TRAM1: variants seen among roughly 807,000 people sequenced by gnomAD.
TRAM1 encodes translocation associated membrane protein 1, also known as translocating chain-associated membrane protein 1.
In TRAM1, 17 loss-of-function variants were observed where a neutral mutation model predicts 48.7. The observed-to-expected ratio is 0.35, with a 90% CI of 0.24 to 0.52. TRAM1 has a LOEUF of 0.52. Among genes scored for constraint, TRAM1 ranks in the 20% least tolerant of loss-of-function variants. The pLI, the probability that TRAM1 is intolerant of heterozygous loss-of-function variation, is 0.94. For missense variants in TRAM1, 351 were observed against 441.5 expected (o/e 0.79, Z 1.84); for synonymous variants, 182 against 154.0 (o/e 1.18, Z -1.34).
In TRAM1 at chr8:70,586,833, C is replaced by T. The variant is rs1240341247; in HGVS notation, c.746+62G>A. On this transcript the variant is annotated intron_variant, in intron 8 of 10. Transcript: ENST00000262213. Reference sequence around the variant, plus strand: ...TAATGGCCTAAAGCATGGATCTTGGCAATGTTAGGCACTGACTTTAAATAC... The same window carrying T: ...TAATGGCCTAAAGCATGGATCTTGGTAATGTTAGGCACTGACTTTAAATAC... 8.1e-6 allele frequency: 11 copies of T among 1,361,636 alleles called. No homozygotes were observed. In the East Asian group the frequency reaches 2.5e-4, roughly 31 times the overall value. 84.3% of individuals were successfully genotyped at this position (1,361,636 alleles called of 1,614,324 possible).
At chr8:70,587,527 TTCAA>T (rs1275979147) in intron 6 of TRAM1, 17 of 184,366 alleles carry the variant, frequency 9.2e-5, no homozygotes, top group Non-Finnish European at 7.9e-5. Context: ...TTAGATTTGC[TTCAA>T]TCAGATAAAC....
intron 10 of TRAM1, among the ~76,000 whole-genome samples, chr8:70,577,713 A>G (rs1195064437): frequency 6.6e-6 from 1 of 152,230 alleles, no homozygotes; most frequent in African/African-American, 2.4e-5. Context: ...GTGGATGACA[A>G]GAAAGAGAGA....
rs1817572999 is a variant in TRAM1, at chr8:70,600,050, A to G, written c.156T>C (p.Thr52=). The G allele has an allele frequency of 6.2e-7, 1 of 1,613,924 alleles. No individual in the cohort carries two copies. Among genetic ancestry groups the G allele is most frequent in the Middle Eastern group, 1.7e-4 (1 of 6,058 alleles). Residue 52 remains threonine, a synonymous_variant, in exon 2 of 11, where the codon ACT becomes ACC. Transcript: ENST00000262213. ...CTGGGAGGGTGACATTGTACTGAAG[A>G]GTAACAAAAATGATAGAAGCTTTTG... is the stretch of plus-strand genomic sequence containing the variant. ...ITAKASIIFV[T]LQYNVTLPAT...
At chr8:70,590,980 T>C (rs1007726126) in intron 6 of TRAM1, among the ~76,000 whole-genome samples, 3 of 150,000 alleles carry the variant, frequency 2.0e-5, no homozygotes, top group Non-Finnish European at 4.4e-5. Context: ...TCTCTCTGTA[T>C]AATGGGGATA....
At chr8:70,576,001 G>A (rs189723807) in intron 10 of TRAM1, among the ~76,000 whole-genome samples, 71 of 149,408 alleles carry the variant, frequency 4.8e-4, no homozygotes, top group African/African-American at 1.5e-3. Flanking sequence ...AGCCCGGGAG[G>A]CAAAGGTTGC....
At chr8:70,607,003 T>C (rs1211563734) in intron 1 of TRAM1, 2 of 935,862 alleles carry the variant, frequency 2.1e-6, no homozygotes, top group Non-Finnish European at 2.5e-6. Flanking sequence ...CTCGTAAAAA[T>C]ACTCCAAAAT....
At chr8:70,590,162 T>C (rs1002822237) in intron 6 of TRAM1, among the ~76,000 whole-genome samples, 22 of 151,902 alleles carry the variant, frequency 1.4e-4, no homozygotes, top group Admixed American at 3.9e-4. Flanking sequence ...AAAAACTAAT[T>C]TGCTGGAAAA....
At chr8:70,588,814 T>C (rs2132033338) in intron 6 of TRAM1, among the ~76,000 whole-genome samples, 1 of 152,376 alleles carries the variant, frequency 6.6e-6, no homozygotes, top group Non-Finnish European at 1.5e-5. Flanking sequence ...ATTTCCTTTG[T>C]TGTAGCAGTT....
chr8:70,598,308 AC>A, intron 2 of TRAM1, 53 bp from the exon 3 acceptor site: 6 of 1,541,256 alleles, frequency 3.9e-6, no homozygotes, highest in Middle Eastern at 1.9e-4. Flanking sequence ...GGTTATAAAA[AC>A]AGCATTAAGT....
intron 10 of TRAM1, among the ~76,000 whole-genome samples, chr8:70,577,914 G>C (rs536993972): frequency 1.3e-5 from 2 of 152,376 alleles, no homozygotes; most frequent in African/African-American, 2.4e-5. Context: ...GCCTCACACA[G>C]AGCCAGCACC....
chr8:70,578,051 G>A (rs1396694063), intron 10 of TRAM1, among the ~76,000 whole-genome samples: 1 of 152,212 alleles, frequency 6.6e-6, no homozygotes, highest in East Asian at 1.9e-4. Flanking sequence ...TGCTTGACAG[G>A]TGTAGGATCT....
At chr8:70,588,222 A>T (rs1298106506) in intron 6 of TRAM1, among the ~76,000 whole-genome samples, 2 of 152,126 alleles carry the variant, frequency 1.3e-5, no homozygotes, top group Non-Finnish European at 2.9e-5. Flanking sequence ...GTCTTTTAAA[A>T]AAAAGACCTA....
rs1291203119 is a variant in TRAM1 at position 70,607,023 on chromosome 8, C to A, written c.123+1054G>T. 7.8e-6 allele frequency: 7 copies of A among 902,004 alleles called. No individual in the cohort carries two copies. The East Asian group carries it at 8.3e-4, about 107-fold the overall frequency. The allele number at this position is 902,004 out of a possible 1,614,324, so 55.9% of individuals were successfully genotyped here. On this transcript the variant is annotated intron_variant, in intron 1 of 10. Transcript: ENST00000262213. ...AAAAATACTCCAAAATCTCTACTCT[C>A]ACTTGTTACATGCAGGAGAGAGGAG... is the stretch of plus-strand genomic sequence containing the variant.
At chr8:70,577,395 AC>A (rs1816980527) in intron 10 of TRAM1, among the ~76,000 whole-genome samples, 1 of 147,074 alleles carries the variant, frequency 6.8e-6, no homozygotes, top group Non-Finnish European at 1.5e-5. Context: ...GTGAGAACTT[AC>A]AGTGTTTTCT....
At chr8:70,596,013 G>C (rs933811561) in intron 5 of TRAM1, among the ~76,000 whole-genome samples, 1 of 151,832 alleles carries the variant, frequency 6.6e-6, no homozygotes, top group Non-Finnish European at 1.5e-5. Flanking sequence ...GAAAAGAAGC[G>C]AGTACCAAAT....
chr8:70,588,152 G>C (rs968888866), intron 6 of TRAM1, among the ~76,000 whole-genome samples: 1 of 152,072 alleles, frequency 6.6e-6, no homozygotes, highest in Non-Finnish European at 1.5e-5. Flanking sequence ...AAGAGTTCGA[G>C]GTTACAGTAA....
chr8:70,588,430 T>C (rs1452100053), intron 6 of TRAM1, among the ~76,000 whole-genome samples: 4 of 151,744 alleles, frequency 2.6e-5, no homozygotes, highest in Non-Finnish European at 5.9e-5. Context: ...TACAAAAAAA[T>C]GTTTTAAAAA....
intron 10 of TRAM1, 65 bp from the exon 11 acceptor site, chr8:70,575,070 T>A: frequency 8.6e-7 from 1 of 1,169,114 alleles, no homozygotes; most frequent in African/African-American, 1.6e-5. Flanking sequence ...AATCTTTATA[T>A]GTAAAGATAC....
intron 1 of TRAM1, among the ~76,000 whole-genome samples, chr8:70,601,769 G>C (rs561966573): frequency 1.3e-5 from 2 of 152,288 alleles, no homozygotes; most frequent in South Asian, 4.1e-4. Context: ...AATAAGGTTT[G>C]GTAAGCTAGA....
Sources: allele counts gnomAD v4.1 joint callset (sites outside exome capture counted in the v4.1 genomes callset), GRCh38; gene constraint gnomAD v4.1.1; transcripts MANE v1.5; gene names NCBI Gene and HGNC (gene_info 2026-07-23, HGNC 2026-07-21).